Variants in PAX5 observed in about 807,000 individuals in gnomAD.
The protein encoded by PAX5 is paired box 5.
A neutral mutation model predicts 43.7 loss-of-function variants in PAX5; 9 were observed. The ratio of observed to expected loss-of-function variants is 0.21; its 90% CI spans 0.12 to 0.36. The LOEUF (loss-of-function observed/expected upper bound fraction) is 0.36, where lower values mean the gene tolerates loss of function less well. Ranked by LOEUF, PAX5 falls within the 10% of genes least tolerant of loss-of-function variation. The pLI is 1.00. For missense variants in PAX5, 383 were observed against 532.7 expected (o/e 0.72, Z 2.77); for synonymous variants, 228 against 214.3 (o/e 1.06, Z -0.56).
In PAX5 at chr9:36,996,324, T is replaced by C. The variant is rs139104067; in HGVS notation, c.604+6324A>G. Among the ~76,000 whole-genome samples, 617 of 152,374 alleles carry C rather than the reference T, an allele frequency of 4.0e-3. 5 individuals are homozygous for C. The highest frequency in any genetic ancestry group is 6.3e-3 in the Non-Finnish European group (427 of 68,034). On this transcript the variant is annotated intron_variant, in intron 5 of 9. Transcript: ENST00000358127. The stretch of plus-strand genomic sequence containing the variant: ...TATTCTCACTGTAACCCACAAGGCT[T>C]GCGTCAACTCTATTCGCCAGATAAC...
At position 36,889,945 on chromosome 9, in the gene PAX5, G is replaced by C. The variant is rs561020406; in HGVS notation, c.911-7840C>G. 7.2e-3 allele frequency among the ~76,000 whole-genome samples: 1,036 copies of C among 143,656 alleles called. 10 individuals are homozygous for C. The highest frequency in any genetic ancestry group is 0.012 in the Non-Finnish European group (775 of 65,346). 94.2% of individuals were successfully genotyped at this position (143,656 alleles called of 152,430 possible). A position where few individuals can be genotyped will look rare whatever the true frequency, so the allele number is the denominator to read the frequency against. On this transcript the variant is annotated intron_variant, in intron 7 of 9. Transcript: ENST00000358127. ...GGCTCTCTCTATGTACACTAACGGG[G>C]GGGGGGGGAATGTGAATCCAATTAA...
chr9:37,030,715 C>T (rs1840896802), intron 1 of PAX5, among the ~76,000 whole-genome samples: 1 of 152,258 alleles, frequency 6.6e-6, no homozygotes, highest in South Asian at 2.1e-4. Flanking sequence ...CCAGAGACCT[C>T]GTTTCACTGG....
At chr9:36,895,171 G>T (rs546321960) in intron 7 of PAX5, among the ~76,000 whole-genome samples, 1 of 152,220 alleles carries the variant, frequency 6.6e-6, no homozygotes, top group African/African-American at 2.4e-5. Flanking sequence ...GTCTAAATGC[G>T]GAAGACGAGA....
chr9:37,010,526 A>C (rs1838833505), intron 3 of PAX5, among the ~76,000 whole-genome samples: 1 of 152,236 alleles, frequency 6.6e-6, no homozygotes, highest in African/African-American at 2.4e-5. Flanking sequence ...TTTGAGGTTT[A>C]AAACTCTGAG....
chr9:36,925,905 C>T (rs548775659), intron 6 of PAX5, among the ~76,000 whole-genome samples: 6 of 152,304 alleles, frequency 3.9e-5, no homozygotes, highest in Non-Finnish European at 7.4e-5. Context: ...AAGTGTGAGT[C>T]CCACCCTCAT....
chr9:37,028,882 T>C (rs1192947393), intron 1 of PAX5, among the ~76,000 whole-genome samples: 1 of 152,222 alleles, frequency 6.6e-6, no homozygotes, highest in Non-Finnish European at 1.5e-5. Flanking sequence ...ACACAAGGGA[T>C]CTTTGACTAG....
intron 6 of PAX5, among the ~76,000 whole-genome samples, chr9:36,924,929 G>A (rs1369677976): frequency 1.4e-5 from 2 of 144,900 alleles, no homozygotes; most frequent in Non-Finnish European, 3.0e-5. Context: ...TTTCCTCCAG[G>A]ACGCTGGCAT....
In PAX5 at chr9:36,904,511, CAGGGT is replaced by C. The variant is rs1828658861; in HGVS notation, c.910+18839_910+18843del. 5.3e-5 allele frequency among the ~76,000 whole-genome samples: 8 copies of C among 152,028 alleles called. No individual in the cohort carries two copies. In the South Asian group the frequency reaches 1.7e-3, roughly 32 times the overall value. ...CTTACTAAACATTTATAGATGATCT[CAGGGT>C]GGGAGTAGAAGTTCTATGGCCTCAC... On this transcript the variant is annotated intron_variant, in intron 7 of 9. Transcript: ENST00000358127.
At chr9:36,990,061 G>A (rs1836794553) in intron 5 of PAX5, among the ~76,000 whole-genome samples, 1 of 152,182 alleles carries the variant, frequency 6.6e-6, no homozygotes, top group South Asian at 2.1e-4. Context: ...ACACAAGCTA[G>A]ATCCTGAAGT....
intron 5 of PAX5, among the ~76,000 whole-genome samples, chr9:36,983,128 C>T (rs1207680619): frequency 4.6e-5 from 7 of 152,206 alleles, no homozygotes; most frequent in African/African-American, 1.2e-4. Flanking sequence ...ATGAACATAA[C>T]TCTGTGTTTC....
intron 1 of PAX5, among the ~76,000 whole-genome samples, chr9:37,026,194 C>G (rs916022362): frequency 3.9e-5 from 6 of 152,384 alleles, no homozygotes; most frequent in East Asian, 1.9e-4. Context: ...TGGCCTCTCC[C>G]TACAACTTAC....
chr9:37,009,163 T>TA (rs1206096381), intron 3 of PAX5, among the ~76,000 whole-genome samples: 5 of 152,252 alleles, frequency 3.3e-5, no homozygotes, highest in African/African-American at 1.2e-4. Context: ...AAAATAGTTA[T>TA]AAATATCACT....
At chr9:36,852,766 G>A (rs568851806) in intron 8 of PAX5, among the ~76,000 whole-genome samples, 2 of 152,254 alleles carry the variant, frequency 1.3e-5, no homozygotes, top group African/African-American at 4.8e-5. Context: ...ATCACTCATA[G>A]TCACAGATGA....
chr9:36,952,437 A>AATAT (rs1472075445), intron 6 of PAX5, among the ~76,000 whole-genome samples: 18 of 152,052 alleles, frequency 1.2e-4, no homozygotes, highest in Admixed American at 7.2e-4. Context: ...ACGGGGTTTC[A>AATAT]ATATGTTCAA....
At chr9:36,895,255 G>A (rs115969225) in intron 7 of PAX5, among the ~76,000 whole-genome samples, 4 of 152,334 alleles carry the variant, frequency 2.6e-5, no homozygotes, top group East Asian at 1.9e-4. Context: ...TGTGTGTGCC[G>A]CCGAATCCGC....
At chr9:36,866,708 G>A (rs912900946) in intron 8 of PAX5, among the ~76,000 whole-genome samples, 3 of 152,042 alleles carry the variant, frequency 2.0e-5, no homozygotes, top group African/African-American at 4.8e-5. Flanking sequence ...CAGAAAGAGG[G>A]CCACCTGGCT....
chr9:36,844,154 C>T (rs1822344415), intron 9 of PAX5, among the ~76,000 whole-genome samples: 1 of 152,210 alleles, frequency 6.6e-6, no homozygotes. Context: ...GAGCCAGTCT[C>T]ATCACTCACA....
At chr9:36,940,290 C>T (rs1030276323) in intron 6 of PAX5, among the ~76,000 whole-genome samples, 3 of 152,096 alleles carry the variant, frequency 2.0e-5, no homozygotes, top group Non-Finnish European at 4.4e-5. Flanking sequence ...ATTATTTAGG[C>T]GCAGTAAGGA....
intron 7 of PAX5, among the ~76,000 whole-genome samples, chr9:36,891,233 C>T (rs955029459): frequency 6.6e-6 from 1 of 152,330 alleles, no homozygotes; most frequent in East Asian, 1.9e-4. Context: ...TATTTTGACA[C>T]CTGTTGTAGG....
Sources: gnomAD v4.1 joint callset for allele counts (sites outside exome capture counted in the v4.1 genomes callset) on GRCh38, gnomAD v4.1.1 for gene constraint, MANE v1.5 for transcripts, NCBI Gene and HGNC (gene_info 2026-07-23, HGNC 2026-07-21) for gene names.